The following SLC2A1 variants were observed in gnomAD, a reference collection of about 807,000 sequenced individuals.
The protein encoded by SLC2A1 is solute carrier family 2 member 1, also known as solute carrier family 2, facilitated glucose transporter member 1.
A neutral mutation model predicts 46.6 loss-of-function variants in SLC2A1; 4 were observed. The observed-to-expected ratio is 0.09, with a 90% CI of 0.04 to 0.20. SLC2A1 has a LOEUF of 0.20. SLC2A1 is among the 10% of genes least tolerant of loss of function. The pLI, the probability that SLC2A1 is intolerant of heterozygous loss-of-function variation, is 1.00. For synonymous variants in SLC2A1, 253 were observed against 270.0 expected, an observed-to-expected ratio of 0.94 and a Z score of 0.62; for missense variants, 352 against 667.0, an observed-to-expected ratio of 0.53 and a Z score of 5.20.
intron 2 of SLC2A1, among the ~76,000 whole-genome samples, 175 bp from the exon 3 acceptor site, chr1:42,931,381 G>A (rs1305047787): frequency 6.6e-6 from 1 of 152,138 alleles, no homozygotes; most frequent in Non-Finnish European, 1.5e-5. Flanking sequence ...TTCCCCAGGC[G>A]AGAAACAAGG....
chr1:42,928,198 C>T (rs953371771), intron 8 of SLC2A1, among the ~76,000 whole-genome samples: 1 of 152,182 alleles, frequency 6.6e-6, no homozygotes, highest in Non-Finnish European at 1.5e-5. Context: ...ACAGAGTAAG[C>T]GCTAAGCATA....
intron 1 of SLC2A1, chr1:42,951,623 TTTCA>T: frequency 2.6e-6 from 1 of 388,372 alleles, no homozygotes; most frequent in Non-Finnish European, 4.5e-6. Flanking sequence ...GAAGACACTC[TTTCA>T]TTTATTATGC....
chr1:42,954,579 C>G lies in SLC2A1; in HGVS notation c.18+4055G>C, dbSNP rs1170030641. On this transcript the variant is annotated intron_variant, in intron 1 of 9. Coordinates refer to ENST00000426263, the MANE Select transcript of SLC2A1 (RefSeq NM_006516.4). This position sits in a 1 kb window ranked among gnomAD's most constrained non-coding sequence, Gnocchi z 4.2. ...GAACGCCTCAAATCTTTTGTGATAG[C>G]CTTATCTCGGACAAATCTCTTCCCT... Among the ~76,000 whole-genome samples, 1 of 152,160 alleles carries G rather than the reference C, an allele frequency of 6.6e-6. No individual in the cohort carries two copies. The highest frequency in any genetic ancestry group is 2.4e-5 in the African/African-American group (1 of 41,430).
chr1:42,958,658 G>C lies in SLC2A1; in HGVS notation c.-7C>G. On this transcript the variant is annotated 5_prime_UTR_variant, in exon 1 of 10. Coordinates refer to ENST00000426263, the MANE Select transcript of SLC2A1 (RefSeq NM_006516.4). ...CCTTGCTGCTGGGCTCCATGGCAGC[G>C]CTGCGCTGGTGGCTCTGGCTGCGCC... 6.5e-7 allele frequency: 1 copy of C among 1,535,056 alleles called. No individual in the cohort carries two copies.
At position 42,927,557 on chromosome 1, in the gene SLC2A1, T is replaced by C. The variant is rs759966568; in HGVS notation, c.1278+48A>G. On this transcript the variant is annotated intron_variant, in intron 9 of 9. Transcript: ENST00000426263. The surrounding 1 kb of genome is among the most constrained non-coding windows in gnomAD (Gnocchi z 5.3). ...GCTGGGCCAGCACTTTGCACAGCAC[T>C]GTGGGGTCATGCGTGCGGGTGAGTA... The C allele has an allele frequency of 6.6e-7, 1 of 1,518,922 alleles. No individual in the cohort carries two copies. The highest frequency in any genetic ancestry group is 1.1e-5 in the South Asian group (1 of 88,204). The allele number at this position is 1,518,922 out of a possible 1,614,324, so 94.1% of individuals were successfully genotyped here. A position where few individuals can be genotyped will look rare whatever the true frequency, so the allele number is the denominator to read the frequency against.
intron 2 of SLC2A1, among the ~76,000 whole-genome samples, chr1:42,932,050 A>G (rs1451546302): frequency 6.6e-6 from 1 of 152,096 alleles, no homozygotes; most frequent in African/African-American, 2.4e-5. Context: ...AAACTCACAC[A>G]TGTCACCCTT....
intron 8 of SLC2A1, among the ~76,000 whole-genome samples, chr1:42,928,553 T>A (rs142925508): frequency 6.6e-6 from 1 of 152,286 alleles, no homozygotes; most frequent in Non-Finnish European, 1.5e-5. Flanking sequence ...GTGAACTGAA[T>A]GAGGCAAGGC....
At chr1:42,935,922 T>C (rs941491626) in intron 2 of SLC2A1, among the ~76,000 whole-genome samples, 1 of 152,224 alleles carries the variant, frequency 6.6e-6, no homozygotes, top group Non-Finnish European at 1.5e-5. Context: ...GAGCCACATA[T>C]GGCCTCTGTC....
intron 1 of SLC2A1, among the ~76,000 whole-genome samples, chr1:42,949,226 C>T (rs1279781898): frequency 2.6e-5 from 4 of 152,014 alleles, no homozygotes; most frequent in Admixed American, 2.0e-4. Flanking sequence ...CCAGTCTGGG[C>T]GACAGAGTGA....
chr1:42,935,376 G>A (rs1385535265), intron 2 of SLC2A1, among the ~76,000 whole-genome samples: 4 of 152,148 alleles, frequency 2.6e-5, no homozygotes, highest in Admixed American at 1.3e-4. Context: ...ACCACCTCCC[G>A]CCAGTCGAGG....
At chr1:42,934,715 A>G (rs930591901) in intron 2 of SLC2A1, among the ~76,000 whole-genome samples, 1 of 152,112 alleles carries the variant, frequency 6.6e-6, no homozygotes, top group Non-Finnish European at 1.5e-5. Context: ...ACCCTGGGTC[A>G]TGTGTGAGGT....
rs1165540757 is a variant in SLC2A1, at chr1:42,926,154, T to C, written c.*887A>G. 6.5e-6 allele frequency: 1 copy of C among 152,706 alleles called. No homozygotes were observed. Among genetic ancestry groups the C allele is most frequent in the Non-Finnish European group, 1.5e-5 (1 of 68,084 alleles). 9.5% of individuals were successfully genotyped at this position (152,706 alleles called of 1,614,324 possible). ...TCAATCCACAAGCATTTCAAAACCA[T>C]GTTTCTAAAAACCAGCCATTTATAT... On this transcript the variant is annotated 3_prime_UTR_variant, in exon 10 of 10. Transcript: ENST00000426263.
At chr1:42,955,780 G>A (rs1355357929) in intron 1 of SLC2A1, among the ~76,000 whole-genome samples, 1 of 152,164 alleles carries the variant, frequency 6.6e-6, no homozygotes, top group Non-Finnish European at 1.5e-5. Flanking sequence ...CTGGGGCAGG[G>A]CTCACCCTTG....
Position 42,952,992 on chromosome 1 carries a change from C to T in SLC2A1, c.18+5642G>A, listed in dbSNP as rs539464708. Among the ~76,000 whole-genome samples, 3 of 152,350 alleles carry T rather than the reference C, an allele frequency of 2.0e-5. No homozygotes were observed. The South Asian group carries it at 6.2e-4, about 32-fold the overall frequency. Reference sequence around the variant, plus strand: ...CAGCTAGCTCTCATCCCCAGTACAGCTGAGGACACAAGCTCCAACAAGAAG... The same window carrying T: ...CAGCTAGCTCTCATCCCCAGTACAGTTGAGGACACAAGCTCCAACAAGAAG... On this transcript the variant is annotated intron_variant, in intron 1 of 9. Coordinates refer to ENST00000426263, the MANE Select transcript of SLC2A1 (RefSeq NM_006516.4).
rs747411639 is a variant in SLC2A1, at chr1:42,929,029, A to G, written c.977T>C (p.Phe326Ser). Residue 326 changes from phenylalanine to serine, a missense_variant, in exon 8 of 10, where the codon TTT becomes TCT. Physicochemically the swap from Phe to Ser is radical, Grantham distance 155. Coordinates refer to ENST00000426263, the MANE Select transcript of SLC2A1 (RefSeq NM_006516.4). This position sits in a 1 kb window ranked among gnomAD's most constrained non-coding sequence, Gnocchi z 6.0. The part of the protein sequence containing the change: ...VNTAFTVVSL[F>S]VVERAGRRTL... ...CCGCCGGCCTGCTCGCTCCACCACA[A>G]ACAGCTGTGGGCAGAGACAGTGTCA... is the stretch of plus-strand genomic sequence containing the variant. 2 of 1,613,044 alleles carry G rather than the reference A, an allele frequency of 1.2e-6. No homozygotes were observed. Among genetic ancestry groups the G allele is most frequent in the Non-Finnish European group, 1.7e-6 (2 of 1,179,868 alleles).
At position 42,929,949 on chromosome 1, in the gene SLC2A1, G is replaced by A. The variant is rs1553156091; in HGVS notation, c.603C>T (p.Cys201=). The A allele has an allele frequency of 6.2e-7, 1 of 1,614,184 alleles. No individual in the cohort carries two copies. Among genetic ancestry groups the A allele is most frequent in the Non-Finnish European group, 8.5e-7 (1 of 1,180,020 alleles). Residue 201 remains cysteine (C), a synonymous_variant, in exon 5 of 10, where the codon TGC becomes TGT. Transcript: ENST00000426263. This position sits in a 1 kb window ranked among gnomAD's most constrained non-coding sequence, Gnocchi z 6.0. ...SIIFIPALLQ[C]IVLPFCPESP... ...TCTCGGGGCAGAAGGGCAGCACGAT[G>A]CACTGCAGCAGGGCCGGGATGAAGA... is the stretch of plus-strand genomic sequence containing the variant.
rs1643429098 is a variant in SLC2A1 at position 42,926,634 on chromosome 1, G to T, written c.*407C>A. 1 of 1,159,842 alleles carries T rather than the reference G, an allele frequency of 8.6e-7. No homozygotes were observed. The highest frequency in any genetic ancestry group is 1.3e-5 in the South Asian group (1 of 76,838). 71.8% of individuals were successfully genotyped at this position (1,159,842 alleles called of 1,614,324 possible). Reference sequence around the variant, plus strand: ...AGCTTTGTAGTTCATAGTTCGATTAGTGTGTCCTTAGGACATAGGTCCAGC... The same window carrying T: ...AGCTTTGTAGTTCATAGTTCGATTATTGTGTCCTTAGGACATAGGTCCAGC... On this transcript the variant is annotated 3_prime_UTR_variant, in exon 10 of 10. Transcript: ENST00000426263.
At chr1:42,932,242 T>C (rs1257336963) in intron 2 of SLC2A1, among the ~76,000 whole-genome samples, 1 of 152,080 alleles carries the variant, frequency 6.6e-6, no homozygotes, top group East Asian at 1.9e-4. Flanking sequence ...GAAACGCCCG[T>C]CCTAGGGCAG....
intron 1 of SLC2A1, among the ~76,000 whole-genome samples, chr1:42,947,010 T>C (rs1171042249): frequency 1.3e-5 from 2 of 152,178 alleles, no homozygotes; most frequent in African/African-American, 2.4e-5. Context: ...TCAGTATCCA[T>C]CATGAAGCCT....
Sources: allele counts gnomAD v4.1 joint callset (sites outside exome capture counted in the v4.1 genomes callset), GRCh38; gene constraint gnomAD v4.1.1; non-coding constraint Gnocchi (gnomAD v3.1); transcripts MANE v1.5; gene names NCBI Gene and HGNC (gene_info 2026-07-23, HGNC 2026-07-21).